Variants in COL5A1 observed in about 807,000 individuals in gnomAD.
COL5A1 encodes the protein collagen alpha-1(V) chain.
A neutral mutation model predicts 263.7 loss-of-function variants in COL5A1; 16 were observed. That is an observed-to-expected ratio of 0.06 (90% confidence interval 0.04 to 0.09). COL5A1 has a LOEUF of 0.09. COL5A1 is among the 10% of genes least tolerant of loss of function. COL5A1 has a pLI of 1.00. For missense variants in COL5A1, 2,036 were observed against 2,540.5 expected, an observed-to-expected ratio of 0.80 and a Z score of 4.27; for synonymous variants, 1,012 against 1,004.5, an observed-to-expected ratio of 1.01 and a Z score of -0.14.
chr9:134,802,135 T>G (rs1389144455), intron 38 of COL5A1, 128 bp downstream of exon 38: 2 of 947,094 alleles, frequency 2.1e-6, no homozygotes, highest in Admixed American at 1.8e-5. Flanking sequence ...GAGGTTATCT[T>G]AGGTCCTGAA....
At chr9:134,783,171 G>A (rs1564455852) in intron 29 of COL5A1, among the ~76,000 whole-genome samples, 1 of 152,240 alleles carries the variant, frequency 6.6e-6, no homozygotes, top group Non-Finnish European at 1.5e-5. Context: ...GGCAGCACGC[G>A]ACGTGGGTCT....
intron 28 of COL5A1, among the ~76,000 whole-genome samples, 189 bp downstream of exon 28, chr9:134,780,335 G>A (rs576493314): frequency 1.3e-5 from 2 of 152,300 alleles, no homozygotes; most frequent in Admixed American, 1.3e-4. Flanking sequence ...GTAAGTTGAG[G>A]ATAGGCCCTC....
chr9:134,759,397 A>G (rs1332422021), intron 18 of COL5A1, among the ~76,000 whole-genome samples: 28 of 132,922 alleles, frequency 2.1e-4, no homozygotes, highest in African/African-American at 7.3e-4. Flanking sequence ...ACACATACGC[A>G]TACACACCCA....
intron 4 of COL5A1, among the ~76,000 whole-genome samples, chr9:134,720,008 G>A (rs116427097): frequency 0.013 from 2,014 of 152,220 alleles, 43 homozygotes; most frequent in African/African-American, 0.045. Flanking sequence ...TTCTGAGGTC[G>A]TGGTCAGGCT....
rs527355179 is a variant in COL5A1, at chr9:134,701,336, G to A, written c.654+3G>A. On this transcript the variant is annotated splice_donor_region_variant and intron_variant, in intron 4 of 65. Transcript: ENST00000371817. ...TCCTGGATGAGGAGGTGTTTGAGGTGAGCAGGAGGGCAGACCAACCCCTGT... is the reference window on the plus strand; with the variant it reads ...TCCTGGATGAGGAGGTGTTTGAGGTAAGCAGGAGGGCAGACCAACCCCTGT... The A allele has an allele frequency of 1.2e-6, 2 of 1,613,166 alleles. No homozygotes were observed. Among genetic ancestry groups the A allele is most frequent in the African/African-American group, 1.3e-5 (1 of 75,046 alleles).
Position 134,818,877 on chromosome 9 carries a change from C to G in COL5A1, c.4368C>G (p.Gly1456=), listed in dbSNP as rs1213186421. ...VGEQGLPGSP[G]PDGPPGPMGP... ...AACAAGGTCTCCCAGGATCCCCAGG[C>G]CCGGACGGTCCCCCCGGCCCCATGG... The change falls in exon 56 of 66, where the codon GGC becomes GGG. Residue 1456 remains glycine, a synonymous_variant. Coordinates refer to ENST00000371817, the MANE Select transcript of COL5A1 (RefSeq NM_000093.5). The surrounding 1 kb of genome is among the most constrained non-coding windows in gnomAD (Gnocchi z 6.0). 6.2e-7 allele frequency: 1 copy of G among 1,613,034 alleles called. No individual in the cohort carries two copies. The highest frequency in any genetic ancestry group is 8.5e-7 in the Non-Finnish European group (1 of 1,179,766).
At position 134,668,706 on chromosome 9, in the gene COL5A1, G is replaced by A. The variant is rs543530192; in HGVS notation, c.110-22206G>A. Among the ~76,000 whole-genome samples the A allele has an allele frequency of 1.0e-4, 15 of 145,996 alleles. No individual in the cohort carries two copies. The South Asian group carries it at 2.4e-3, about 23-fold the overall frequency. ...CATCCATCCAACTGTTCTTCCATCC[G>A]TTCACCTGTGCATCCATATCATTAA... On this transcript the variant is annotated intron_variant, in intron 1 of 65. Coordinates refer to ENST00000371817, the MANE Select transcript of COL5A1 (RefSeq NM_000093.5).
Position 134,696,102 on chromosome 9 carries a change from C to T in COL5A1, c.278-3807C>T, listed in dbSNP as rs1833452344. Among the ~76,000 whole-genome samples, 1 of 152,130 alleles carries T rather than the reference C, an allele frequency of 6.6e-6. No individual in the cohort carries two copies. The highest frequency in any genetic ancestry group is 2.4e-5 in the African/African-American group (1 of 41,406). ...GCCCCCTGTCCAAAGTTAGCCACAC[C>T]CCGCATTCATTTCCTATCCTCTGAC... On this transcript the variant is annotated intron_variant, in intron 2 of 65. Transcript: ENST00000371817. The surrounding 1 kb of genome is among the most constrained non-coding windows in gnomAD (Gnocchi z 4.3).
At chr9:134,820,045 A>G in intron 57 of COL5A1, 71 bp from the exon 58 acceptor site, 1 of 1,115,524 alleles carries the variant, frequency 9.0e-7, no homozygotes, top group East Asian at 2.3e-5. Flanking sequence ...CTGCGTGCTA[A>G]CTGGCCCACC....
intron 2 of COL5A1, among the ~76,000 whole-genome samples, chr9:134,697,760 A>T (rs1333087831): frequency 6.6e-6 from 1 of 152,152 alleles, no homozygotes; most frequent in Non-Finnish European, 1.5e-5. Flanking sequence ...AGGTGGGACC[A>T]GCTAAGGCTG....
intron 4 of COL5A1, among the ~76,000 whole-genome samples, chr9:134,715,172 G>T (rs376734396): frequency 1.3e-5 from 2 of 152,052 alleles, no homozygotes; most frequent in African/African-American, 4.8e-5. Flanking sequence ...GTAATAGTGG[G>T]GAGAGGGTCA....
intron 42 of COL5A1, 23 bp downstream of exon 42, chr9:134,806,319 G>A (rs1327607907): frequency 3.3e-6 from 5 of 1,501,606 alleles, no homozygotes; most frequent in Middle Eastern, 2.3e-4. Flanking sequence ...TTGGATTGGG[G>A]GAGCCCTTCC....
rs4842166 is a variant in COL5A1 at position 134,787,167 on chromosome 9, C to T, written c.2646+1119C>T. ...CACTTTTCCTCTCTTAATATACATC[C>T]CTCTGGGGATGGAAAGAAGAGAAGT... On this transcript the variant is annotated intron_variant, in intron 31 of 65. Coordinates refer to ENST00000371817, the MANE Select transcript of COL5A1 (RefSeq NM_000093.5). 9.2e-3 allele frequency among the ~76,000 whole-genome samples: 1,396 copies of T among 152,320 alleles called. 62 individuals carry two copies. In the East Asian group the frequency reaches 0.14, roughly 15 times the overall value.
intron 6 of COL5A1, 111 bp downstream of exon 6, chr9:134,728,918 T>A: frequency 7.0e-7 from 1 of 1,436,400 alleles, no homozygotes; most frequent in Non-Finnish European, 9.6e-7. Flanking sequence ...GGCTGTCTGG[T>A]GAAGGTTGCG....
chr9:134,766,938 A>G, intron 22 of COL5A1, 62 bp from the exon 23 acceptor site: 1 of 1,493,140 alleles, frequency 6.7e-7, no homozygotes. Context: ...GGCACACGAC[A>G]CCCAGGAAGG....
rs1835913165 is a variant in COL5A1 at position 134,754,798 on chromosome 9, CT to C, written c.1827+473del. Among the ~76,000 whole-genome samples the C allele has an allele frequency of 6.6e-6, 1 of 152,166 alleles. No homozygotes were observed. The highest frequency in any genetic ancestry group is 1.5e-5 in the Non-Finnish European group (1 of 68,034). On this transcript the variant is annotated intron_variant, in intron 16 of 65. Coordinates refer to ENST00000371817, the MANE Select transcript of COL5A1 (RefSeq NM_000093.5). This position sits in a 1 kb window ranked among gnomAD's most constrained non-coding sequence, Gnocchi z 4.3. The stretch of plus-strand genomic sequence containing the variant: ...GGAACTGGTTTGTTTGCACATGACC[CT>C]GGCTTCTAAAAGAGGACACACGTTT...
rs1434262478 is a variant in COL5A1 at position 134,815,965 on chromosome 9, G to C, written c.4099G>C (p.Asp1367His). ...AGATGGTCCCCCTGGTGACAAAGGA[G>C]ATGATGGTGAACCCGGGCAGACGGT... ...GQDGPPGDKG[D>H]DGEPGQTGSP... The change falls in exon 52 of 66, where the codon GAT becomes CAT. Residue 1367 changes from aspartate (D) to histidine (H), a missense_variant. Asp to His is a moderately conservative substitution (Grantham distance 81). Transcript: ENST00000371817. The C allele has an allele frequency of 6.2e-7, 1 of 1,614,156 alleles. No individual in the cohort carries two copies. The highest frequency in any genetic ancestry group is 1.1e-5 in the South Asian group (1 of 91,082).
chr9:134,834,398 GAGA>G (rs913756764), intron 64 of COL5A1, among the ~76,000 whole-genome samples: 15 of 152,354 alleles, frequency 9.8e-5, no homozygotes, highest in East Asian at 1.9e-4. Context: ...GGCAGAAGGG[GAGA>G]AGAACTGTGG....
intron 27 of COL5A1, among the ~76,000 whole-genome samples, chr9:134,779,184 C>T (rs1308798227): frequency 2.0e-5 from 3 of 152,240 alleles, no homozygotes; most frequent in African/African-American, 4.8e-5. Context: ...CTCTCAAGTC[C>T]CACGGGCAGG....
Sources: allele counts gnomAD v4.1 joint callset (sites outside exome capture counted in the v4.1 genomes callset), GRCh38; gene constraint gnomAD v4.1.1; non-coding constraint Gnocchi (gnomAD v3.1); transcripts MANE v1.5; gene names NCBI Gene and HGNC (gene_info 2026-07-23, HGNC 2026-07-21).